The following WDR73 variants were observed in gnomAD, a reference collection of about 807,000 sequenced individuals.
The protein encoded by WDR73 is WD repeat domain 73.
WDR73 carries 30 observed loss-of-function variants against 38.2 expected under a neutral mutation model. The observed-to-expected ratio is 0.79, with a 90% CI of 0.59 to 1.06. WDR73 has a LOEUF of 1.06. Ranked by LOEUF, WDR73 falls within the 50% of genes least tolerant of loss-of-function variation. The pLI is 0.00. For synonymous variants in WDR73, 197 were observed against 176.0 expected, an observed-to-expected ratio of 1.12 and a Z score of -0.94; for missense variants, 487 against 467.0, an observed-to-expected ratio of 1.04 and a Z score of -0.40.
In WDR73 at chr15:84,643,682, C is replaced by T. The variant is rs533884007; in HGVS notation, c.925G>A (p.Asp309Asn). The change falls in exon 8 of 8, where the codon GAT (aspartate) becomes AAT (asparagine). Residue 309 changes from aspartate (D) to asparagine (N), a missense_variant. By Grantham distance (23) the Asp-to-Asn change is conservative (BLOSUM62 1). Coordinates refer to ENST00000434634, the MANE Select transcript of WDR73 (RefSeq NM_032856.5). The stretch of plus-strand genomic sequence containing the variant: ...GTTCCATCTTGGCTCCGTGTTCCAT[C>T]CCAAGATGTGGCATCATAGACCTGG... Reference protein sequence around the residue: ...TVQVYDATSWDGTRSQDGTRS... With the variant: ...TVQVYDATSWNGTRSQDGTRS... 1 of 1,600,060 alleles carries T rather than the reference C, an allele frequency of 6.2e-7. No individual in the cohort carries two copies. Among genetic ancestry groups the T allele is most frequent in the South Asian group, 1.1e-5 (1 of 89,500 alleles).
chr15:84,644,872 C>G (rs1269159778), intron 7 of WDR73: 1 of 154,416 alleles, frequency 6.5e-6, no homozygotes, highest in Non-Finnish European at 1.4e-5. Flanking sequence ...CCACCGCACC[C>G]GGCCAACTTG....
At chr15:84,652,839 T>C (rs770191757) in intron 2 of WDR73, 37 bp from the exon 3 acceptor site, 1 of 1,338,138 alleles carries the variant, frequency 7.5e-7, no homozygotes, top group Non-Finnish European at 1.0e-6. Flanking sequence ...CACAAATTGT[T>C]AGAAAGATTG....
rs1413125584 is a variant in WDR73 at position 84,652,696 on chromosome 15, A to G, written c.198+18T>C. Reference sequence around the variant, plus strand: ...ATAAATAAAAGTTGACATACTCAGCATTTATATTTTAAGTTACCTTGTTTT... The same window carrying G: ...ATAAATAAAAGTTGACATACTCAGCGTTTATATTTTAAGTTACCTTGTTTT... On this transcript the variant is annotated intron_variant, in intron 3 of 7. Coordinates refer to ENST00000434634, the MANE Select transcript of WDR73 (RefSeq NM_032856.5). 5 of 1,366,916 alleles carry G rather than the reference A, an allele frequency of 3.7e-6. No individual in the cohort carries two copies. The Admixed American group carries it at 1.0e-4, about 27-fold the overall frequency. The allele number at this position is 1,366,916 out of a possible 1,614,324, so 84.7% of individuals were successfully genotyped here. A position where few individuals can be genotyped will look rare whatever the true frequency, so the allele number is the denominator to read the frequency against.
intron 3 of WDR73, among the ~76,000 whole-genome samples, chr15:84,648,957 C>T (rs1300225744): frequency 6.6e-6 from 1 of 152,196 alleles, no homozygotes; most frequent in Non-Finnish European, 1.5e-5. Context: ...CCCATTTCTC[C>T]CTCCATTCTC....
chr15:84,646,636 G>T, intron 5 of WDR73: 1 of 298,684 alleles, frequency 3.3e-6, no homozygotes. Context: ...ATACTTTTGT[G>T]GAGAACAGGT....
intron 6 of WDR73, 50 bp downstream of exon 6, chr15:84,646,134 G>A (rs758183656): frequency 6.2e-7 from 1 of 1,611,434 alleles, no homozygotes; most frequent in Non-Finnish European, 8.5e-7. Flanking sequence ...AGTTGGGCTG[G>A]GGGGTGATGC....
intron 3 of WDR73, among the ~76,000 whole-genome samples, chr15:84,651,185 G>A (rs1169560522): frequency 6.6e-6 from 1 of 152,054 alleles, no homozygotes; most frequent in African/African-American, 2.4e-5. Flanking sequence ...AGCACTTTGG[G>A]AGGCCGAAGC....
chr15:84,652,813 A>C lies in WDR73; in HGVS notation c.110-11T>G. The C allele has an allele frequency of 3.3e-6, 5 of 1,493,756 alleles. No homozygotes were observed. Among genetic ancestry groups the C allele is most frequent in the South Asian group, 1.3e-5 (1 of 76,898 alleles). The allele number at this position is 1,493,756 out of a possible 1,614,324, so 92.5% of individuals were successfully genotyped here. On this transcript the variant is annotated splice_polypyrimidine_tract_variant and intron_variant, in intron 2 of 7. Coordinates refer to ENST00000434634, the MANE Select transcript of WDR73 (RefSeq NM_032856.5). Reference sequence around the variant, plus strand: ...CAGCAACAAAGACTCCTGGAAAAAGAAGCAGAGGTAGCTGTCACAAATTGT... The same window carrying C: ...CAGCAACAAAGACTCCTGGAAAAAGCAGCAGAGGTAGCTGTCACAAATTGT...
chr15:84,648,436 G>C, intron 4 of WDR73, 101 bp downstream of exon 4: 1 of 796,810 alleles, frequency 1.3e-6, no homozygotes, highest in Non-Finnish European at 2.2e-6. Flanking sequence ...CCTGTGTGCT[G>C]AGGGGGTGGG....
Position 84,642,287 on chromosome 15 carries a change from C to A in WDR73, c.*1183G>T, listed in dbSNP as rs1596046515. 1 of 151,478 alleles carries A rather than the reference C, an allele frequency of 6.6e-6. No homozygotes were observed. The highest frequency in any genetic ancestry group is 6.6e-5 in the Admixed American group (1 of 15,168). The allele number at this position is 151,478 out of a possible 1,614,324, so 9.4% of individuals were successfully genotyped here. A position where few individuals can be genotyped will look rare whatever the true frequency, so the allele number is the denominator to read the frequency against. ...CCCATGAGGTGGAGGTTGCAGTGAG[C>A]CGAGATCACGCCACTGCACTCAAGC... On this transcript the variant is annotated 3_prime_UTR_variant, in exon 8 of 8. Transcript: ENST00000434634.
At chr15:84,646,160 G>A (rs1333914489) in intron 6 of WDR73, 24 bp downstream of exon 6, 3 of 1,613,198 alleles carry the variant, frequency 1.9e-6, no homozygotes, top group Non-Finnish European at 2.5e-6. Flanking sequence ...GGAGCAGCAA[G>A]CAAGGGACAA....
chr15:84,654,211 T>A (rs759104277), intron 1 of WDR73, 23 bp downstream of exon 1: 19 of 1,603,648 alleles, frequency 1.2e-5, no homozygotes, highest in Non-Finnish European at 1.5e-5. Context: ...CCAGCTCCCA[T>A]GTCCCAGCCC....
chr15:84,645,397 C>A, intron 7 of WDR73, 74 bp downstream of exon 7: 1 of 1,586,094 alleles, frequency 6.3e-7, no homozygotes, highest in African/African-American at 1.3e-5. Context: ...GTGCTGGAGG[C>A]TCCTTCCTGA....
chr15:84,654,127 G>A, intron 1 of WDR73, 107 bp downstream of exon 1: 1 of 1,478,126 alleles, frequency 6.8e-7, no homozygotes, highest in Non-Finnish European at 9.4e-7. Context: ...CGAGGCCACA[G>A]CTGGCCCACT....
At chr15:84,648,023 A>G (rs1235780727) in intron 4 of WDR73, 69 bp from the exon 5 acceptor site, 1 of 1,408,542 alleles carries the variant, frequency 7.1e-7, no homozygotes, top group African/African-American at 1.4e-5. Context: ...TCCCCTTTCC[A>G]GCACACTTAG....
chr15:84,652,816 C>A lies in WDR73; in HGVS notation c.110-14G>T. 1.3e-6 allele frequency: 2 copies of A among 1,486,750 alleles called. No individual in the cohort carries two copies. The highest frequency in any genetic ancestry group is 1.8e-6 in the Non-Finnish European group (2 of 1,108,254). The allele number at this position is 1,486,750 out of a possible 1,614,324, so 92.1% of individuals were successfully genotyped here. ...CAACAAAGACTCCTGGAAAAAGAAG[C>A]AGAGGTAGCTGTCACAAATTGTTAG... On this transcript the variant is annotated splice_polypyrimidine_tract_variant and intron_variant, in intron 2 of 7. Coordinates refer to ENST00000434634, the MANE Select transcript of WDR73 (RefSeq NM_032856.5).
chr15:84,654,193 C>A (rs1415709386), intron 1 of WDR73, 41 bp downstream of exon 1: 2 of 1,613,804 alleles, frequency 1.2e-6, no homozygotes, highest in East Asian at 4.5e-5. Flanking sequence ...GCCAGGCAAG[C>A]TCCAGGCCCA....
intron 7 of WDR73, chr15:84,644,448 T>G (rs147327937): frequency 2.6e-5 from 4 of 152,254 alleles, no homozygotes; most frequent in Admixed American, 2.6e-4. Flanking sequence ...TCTTAATGAT[T>G]TTTTTCAACC....
At chr15:84,644,815 G>A (rs1465883676) in intron 7 of WDR73, 1 of 151,740 alleles carries the variant, frequency 6.6e-6, no homozygotes, top group Non-Finnish European at 1.5e-5. Flanking sequence ...CTGACCTTGT[G>A]ATCCACCCGC....
Sources: allele counts gnomAD v4.1 joint callset (sites outside exome capture counted in the v4.1 genomes callset), GRCh38; gene constraint gnomAD v4.1.1; transcripts MANE v1.5; gene names NCBI Gene and HGNC (gene_info 2026-07-23, HGNC 2026-07-21).